Variants in FBLN7 observed in about 807,000 individuals in gnomAD.
The protein encoded by FBLN7 is fibulin 7.
Under a neutral mutation model 44.0 loss-of-function variants are expected in FBLN7, and 31 were observed. The ratio of observed to expected loss-of-function variants is 0.70; its 90% CI spans 0.53 to 0.95. The LOEUF is 0.95. Ranked by LOEUF, FBLN7 falls within the 40% of genes least tolerant of loss-of-function variation. The probability of loss-of-function intolerance (pLI) is 0.00; values close to 1 mark genes in which losing one functional copy is unlikely to be tolerated. For synonymous variants in FBLN7, 262 were observed against 253.4 expected (o/e 1.03, Z -0.32); for missense variants, 573 against 618.5 (o/e 0.93, Z 0.78).
chr2:112,174,163 G>A (rs1682619710), intron 3 of FBLN7, among the ~76,000 whole-genome samples: 1 of 152,180 alleles, frequency 6.6e-6, no homozygotes, highest in Admixed American at 6.6e-5. Flanking sequence ...CTACGCTGGT[G>A]GGCAACCATG....
At chr2:112,192,117 A>G (rs1683511096), downstream of FBLN7, among the ~76,000 whole-genome samples, 2 of 152,198 alleles carry the variant, frequency 1.3e-5, no homozygotes, top group African/African-American at 2.4e-5. Context: ...TCATTATGAC[A>G]GCATACCATT....
In FBLN7 at chr2:112,159,762, C is replaced by T; in HGVS notation, c.162C>T (p.Gly54=). The T allele has an allele frequency of 1.2e-6, 2 of 1,604,906 alleles. No individual in the cohort carries two copies. The highest frequency in any genetic ancestry group is 1.7e-6 in the Non-Finnish European group (2 of 1,176,024). Residue 54 remains glycine, a synonymous_variant, in exon 2 of 8, where the codon GGC becomes GGT. Coordinates refer to ENST00000331203, the MANE Select transcript of FBLN7 (RefSeq NM_153214.3). ...LKGQETRFAE[G]IRHMKSRLAA... ...GCCAGGAGACACGCTTCGCCGAGGG[C>T]ATCCGCCACATGAAGAGCCGGCTGG...
the FBLN7 span, chr2:112,233,991 T>C: frequency 4.1e-4 from 238 of 584,438 alleles, no homozygotes; most frequent in Non-Finnish European, 6.1e-4. Flanking sequence ...AATACTTCAC[T>C]AAAATTTTCT....
At chr2:112,239,304 T>C in the FBLN7 span, among the ~76,000 whole-genome samples, 1 of 152,240 alleles carries the variant, frequency 6.6e-6, no homozygotes, top group African/African-American at 2.4e-5. Context: ...TATTAAACTG[T>C]ATCATTATAA....
chr2:112,219,219 T>C, the FBLN7 span, among the ~76,000 whole-genome samples: 1 of 152,128 alleles, frequency 6.6e-6, no homozygotes, highest in Non-Finnish European at 1.5e-5. Flanking sequence ...AACAGTGTGC[T>C]AACAGCATAA....
chr2:112,165,266 G>C, intron 3 of FBLN7, 95 bp downstream of exon 3: 1 of 1,443,252 alleles, frequency 6.9e-7, no homozygotes, highest in Non-Finnish European at 9.3e-7. Context: ...AACATTTTCT[G>C]CTTGGTTCTT....
Position 112,175,756 on chromosome 2 carries a change from C to T in FBLN7, c.449C>T (p.Thr150Ile), listed in dbSNP as rs374995886. Residue 150 changes from threonine (T) to isoleucine (I), a missense_variant, in exon 4 of 8, where the codon ACA becomes ATA. Thr to Ile is a moderately conservative substitution (Grantham distance 89). Coordinates refer to ENST00000331203, the MANE Select transcript of FBLN7 (RefSeq NM_153214.3). Reference protein sequence around the residue: ...CSSQPCQNGGTCVEGVNQYRC... With the variant: ...CSSQPCQNGGICVEGVNQYRC... Reference sequence around the variant, plus strand: ...AGCCAGCCTTGTCAAAATGGTGGTACATGTGTAGAAGGAGTCAACCAGTAC... The same window carrying T: ...AGCCAGCCTTGTCAAAATGGTGGTATATGTGTAGAAGGAGTCAACCAGTAC... 1 of 1,614,150 alleles carries T rather than the reference C, an allele frequency of 6.2e-7. No individual in the cohort carries two copies. Among genetic ancestry groups the T allele is most frequent in the African/African-American group, 1.3e-5 (1 of 75,000 alleles).
chr2:112,228,821 C>T, the FBLN7 span, among the ~76,000 whole-genome samples: 1 of 152,148 alleles, frequency 6.6e-6, no homozygotes, highest in African/African-American at 2.4e-5. Context: ...GGGATATTTG[C>T]AAATCATGTA....
intron 1 of FBLN7, among the ~76,000 whole-genome samples, chr2:112,142,305 A>G (rs1169306954): frequency 6.6e-6 from 1 of 152,028 alleles, no homozygotes; most frequent in East Asian, 1.9e-4. Flanking sequence ...CTGCCCCTGT[A>G]TTTCCTGTTT....
the FBLN7 span, among the ~76,000 whole-genome samples, chr2:112,203,392 TC>T: frequency 1.3e-5 from 2 of 152,154 alleles, no homozygotes; most frequent in Non-Finnish European, 2.9e-5. Context: ...AGCGCTGACT[TC>T]AATAGCCATA....
the FBLN7 span, among the ~76,000 whole-genome samples, chr2:112,194,898 A>G: frequency 6.6e-6 from 1 of 152,200 alleles, no homozygotes; most frequent in Non-Finnish European, 1.5e-5. Context: ...ATCTGTCACA[A>G]GGGGATACTT....
At position 112,165,058 on chromosome 2, in the gene FBLN7, T is replaced by TC; in HGVS notation, c.293_294insC (p.Leu98PhefsTer38). 6.2e-7 allele frequency: 1 copy of TC among 1,614,130 alleles called. No homozygotes were observed. Among genetic ancestry groups the TC allele is most frequent in the Non-Finnish European group, 8.5e-7 (1 of 1,180,004 alleles). On this transcript the variant is annotated frameshift_variant, in exon 3 of 8. Transcript: ENST00000331203. LOFTEE classifies it high-confidence loss of function. ...GGCAGAAAGTTTGGAAGCAAGTACT[T>TC]AGTGGATCACGAAGTCCATTTTACC... is the stretch of plus-strand genomic sequence containing the variant.
the FBLN7 span, chr2:112,238,495 G>A: frequency 3.1e-6 from 5 of 1,611,608 alleles, no homozygotes; most frequent in Admixed American, 8.4e-5. Flanking sequence ...TTTCTATGCA[G>A]CGAACTTTTT....
At chr2:112,204,123 A>T in the FBLN7 span, among the ~76,000 whole-genome samples, 2 of 152,166 alleles carry the variant, frequency 1.3e-5, no homozygotes, top group African/African-American at 2.4e-5. Flanking sequence ...AGAGATAGAA[A>T]CTTTTTAAAA....
At chr2:112,240,987 G>A in the FBLN7 span, among the ~76,000 whole-genome samples, 49 of 114,192 alleles carry the variant, frequency 4.3e-4, 1 homozygote, top group Admixed American at 3.1e-3. Flanking sequence ...GTGTGTGTGC[G>A]CGTGTGTATG....
intron 3 of FBLN7, among the ~76,000 whole-genome samples, chr2:112,174,645 A>G (rs955199077): frequency 3.9e-5 from 6 of 152,208 alleles, no homozygotes; most frequent in African/African-American, 1.4e-4. Context: ...TGTGCACTAA[A>G]ACTGGGCTTA....
chr2:112,185,806 T>C (rs182224426), intron 7 of FBLN7, among the ~76,000 whole-genome samples: 1 of 151,924 alleles, frequency 6.6e-6, no homozygotes, highest in Non-Finnish European at 1.5e-5. Flanking sequence ...ATCACTCTGC[T>C]TTTCCAATAG....
Position 112,187,098 on chromosome 2 carries a change from A to G in FBLN7, c.948-36A>G. ...AGAGCAGCTCTTCATGAGACTCCCC[A>G]AGGCTGACTGCCTCCATTTTGCCTC... On this transcript the variant is annotated intron_variant, in intron 7 of 7. Transcript: ENST00000331203. The surrounding 1 kb of genome is among the most constrained non-coding windows in gnomAD (Gnocchi z 5.1). The G allele has an allele frequency of 5.6e-6, 9 of 1,603,758 alleles. No homozygotes were observed. Among genetic ancestry groups the G allele is most frequent in the Non-Finnish European group, 7.7e-6 (9 of 1,174,318 alleles).
At chr2:112,198,849 T>C in the FBLN7 span, among the ~76,000 whole-genome samples, 1 of 152,100 alleles carries the variant, frequency 6.6e-6, no homozygotes, top group African/African-American at 2.4e-5. Flanking sequence ...CAGCCTAAGG[T>C]AGTTTATTAT....
Sources: allele counts gnomAD v4.1 joint callset (sites outside exome capture counted in the v4.1 genomes callset), GRCh38; gene constraint gnomAD v4.1.1; non-coding constraint Gnocchi (gnomAD v3.1); transcripts MANE v1.5; gene names NCBI Gene and HGNC (gene_info 2026-07-23, HGNC 2026-07-21).